Variants in SLCO3A1 observed in about 807,000 individuals in gnomAD.
The protein encoded by SLCO3A1 is PGE1 transporter.
A neutral mutation model predicts 63.1 loss-of-function variants in SLCO3A1; 27 were observed. The observed-to-expected ratio is 0.43, with a 90% CI of 0.32 to 0.59. The LOEUF is 0.59. SLCO3A1 is among the 20% of genes least tolerant of loss of function. The pLI, the probability that SLCO3A1 is intolerant of heterozygous loss-of-function variation, is 0.09. For missense variants in SLCO3A1, 773 were observed against 945.8 expected (o/e 0.82, Z 2.40); for synonymous variants, 473 against 409.9 (o/e 1.15, Z -1.86).
intron 3 of SLCO3A1, among the ~76,000 whole-genome samples, chr15:92,098,424 C>T (rs2047565926): frequency 6.6e-6 from 1 of 152,170 alleles, no homozygotes; most frequent in Admixed American, 6.5e-5. Flanking sequence ...ATAAATCCCT[C>T]CCCTGAGAGC....
At chr15:91,965,834 G>A (rs1900639205) in intron 2 of SLCO3A1, among the ~76,000 whole-genome samples, 1 of 152,012 alleles carries the variant, frequency 6.6e-6, no homozygotes, top group Non-Finnish European at 1.5e-5. Flanking sequence ...CTCCTGGAGG[G>A]ATCAGGAAGG....
intron 7 of SLCO3A1, among the ~76,000 whole-genome samples, chr15:92,136,050 A>T (rs139747426): frequency 6.6e-6 from 1 of 152,296 alleles, no homozygotes; most frequent in African/African-American, 2.4e-5. Flanking sequence ...TGAGCCCAGG[A>T]GTTTGAGACT....
At position 92,147,024 on chromosome 15, in the gene SLCO3A1, A is replaced by G. The variant is rs768125971; in HGVS notation, c.1553A>G (p.Glu518Gly). 3.1e-6 allele frequency: 5 copies of G among 1,614,126 alleles called. No individual in the cohort carries two copies. Among genetic ancestry groups the G allele is most frequent in the Middle Eastern group, 1.7e-4 (1 of 6,060 alleles). Residue 518 changes from glutamate to glycine, a missense_variant, in exon 8 of 10, where the codon GAG becomes GGG. Glu to Gly is a moderately conservative substitution (Grantham distance 98). Transcript: ENST00000318445. ...GCACLTTVPA[E>G]NATVVPGKCP... ...GCGTGCCTCACCACCGTCCCTGCTG[A>G]GAACGCAACCGTGGTTCCTGGAAAA...
rs1394493161 is a variant in SLCO3A1, at chr15:91,897,231, G to C, written c.181-18762G>C. Among the ~76,000 whole-genome samples, 1 of 152,176 alleles carries C rather than the reference G, an allele frequency of 6.6e-6. No homozygotes were observed. Among genetic ancestry groups the C allele is most frequent in the African/African-American group, 2.4e-5 (1 of 41,428 alleles). On this transcript the variant is annotated intron_variant, in intron 1 of 9. Transcript: ENST00000318445. The surrounding 1 kb of genome is among the most constrained non-coding windows in gnomAD (Gnocchi z 4.7). ...GTACTTTGAGAGGCTGAGGTGGGCA[G>C]ATCAGGAGTTCAAGACCAGCCTGGC...
chr15:91,906,648 GGAAATCATT>G (rs1034308829), intron 1 of SLCO3A1, among the ~76,000 whole-genome samples: 1 of 152,152 alleles, frequency 6.6e-6, no homozygotes, highest in Non-Finnish European at 1.5e-5. Flanking sequence ...TGAATGCTGA[GGAAATCATT>G]GAAATCATTA....
At position 91,865,987 on chromosome 15, in the gene SLCO3A1, C is replaced by T. The variant is rs554661094; in HGVS notation, c.180+11899C>T. Among the ~76,000 whole-genome samples the T allele has an allele frequency of 2.2e-4, 34 of 152,242 alleles. 1 individual carries two copies. Among genetic ancestry groups the T allele is most frequent in the Admixed American group, 3.9e-4 (6 of 15,298 alleles). Reference sequence around the variant, plus strand: ...GATTGTTGGATATTCGTAAGAGAGTCGTTCATACCCAAAGATATCATTTCA... The same window carrying T: ...GATTGTTGGATATTCGTAAGAGAGTTGTTCATACCCAAAGATATCATTTCA... On this transcript the variant is annotated intron_variant, in intron 1 of 9. Transcript: ENST00000318445. This position sits in a 1 kb window ranked among gnomAD's most constrained non-coding sequence, Gnocchi z 4.6.
chr15:92,135,092 G>A (rs960833445), intron 7 of SLCO3A1, among the ~76,000 whole-genome samples: 32 of 152,214 alleles, frequency 2.1e-4, no homozygotes, highest in African/African-American at 7.0e-4. Flanking sequence ...CATTCTAGCC[G>A]GAAGAGTGCA....
At chr15:92,118,823 C>T (rs925369334) in intron 4 of SLCO3A1, among the ~76,000 whole-genome samples, 1 of 142,316 alleles carries the variant, frequency 7.0e-6, no homozygotes, top group South Asian at 2.1e-4. Flanking sequence ...AACTGCATGT[C>T]AGATACTCCA....
intron 2 of SLCO3A1, among the ~76,000 whole-genome samples, chr15:91,925,312 C>A (rs950427311): frequency 6.6e-6 from 1 of 152,110 alleles, no homozygotes; most frequent in African/African-American, 2.4e-5. Flanking sequence ...TGGTTTCTGT[C>A]GAGCATTGTG....
At chr15:91,861,187 ACT>A (rs1897038996) in intron 1 of SLCO3A1, among the ~76,000 whole-genome samples, 1 of 152,142 alleles carries the variant, frequency 6.6e-6, no homozygotes, top group African/African-American at 2.4e-5. Context: ...AAGCCGGGTC[ACT>A]CTGATGACTT....
At chr15:92,161,795 C>T (rs1489871809) in intron 9 of SLCO3A1, 2 of 133,880 alleles carry the variant, frequency 1.5e-5, no homozygotes, top group Non-Finnish European at 3.3e-5. Flanking sequence ...TTGCAGTTTC[C>T]TCTGTAGAAC....
intron 2 of SLCO3A1, among the ~76,000 whole-genome samples, chr15:92,010,676 A>C (rs893129112): frequency 1.3e-5 from 2 of 152,086 alleles, no homozygotes; most frequent in African/African-American, 4.8e-5. Context: ...GTCAGTGGGG[A>C]TCAAATGTTC....
intron 2 of SLCO3A1, among the ~76,000 whole-genome samples, chr15:91,926,605 GCA>G (rs200609241): frequency 0.018 from 2,744 of 149,680 alleles, 79 homozygotes; most frequent in African/African-American, 0.025. Context: ...GTGCGCGCGC[GCA>G]CGCCCATGCT....
intron 2 of SLCO3A1, among the ~76,000 whole-genome samples, chr15:91,947,642 G>A (rs1899855243): frequency 6.6e-6 from 1 of 152,208 alleles, no homozygotes; most frequent in South Asian, 2.1e-4. Context: ...ACCCACTTGA[G>A]TGTTTATTAA....
intron 7 of SLCO3A1, among the ~76,000 whole-genome samples, chr15:92,134,932 G>A (rs577112385): frequency 5.9e-5 from 9 of 152,010 alleles, no homozygotes; most frequent in African/African-American, 1.9e-4. Context: ...GGGGGATGGG[G>A]TGAATGAGAC....
chr15:91,869,671 C>T (rs1475406750), intron 1 of SLCO3A1, among the ~76,000 whole-genome samples: 1 of 151,984 alleles, frequency 6.6e-6, no homozygotes, highest in Non-Finnish European at 1.5e-5. Context: ...TGCACTCCAG[C>T]CTGAGTGACA....
chr15:91,963,423 G>GC (rs1225594424), intron 2 of SLCO3A1, among the ~76,000 whole-genome samples: 132 of 127,232 alleles, frequency 1.0e-3, no homozygotes, highest in Non-Finnish European at 1.3e-3. Context: ...GGGGGGGGCG[G>GC]CAGCAGCCTG....
chr15:92,133,880 A>G (rs1199320254), intron 7 of SLCO3A1, among the ~76,000 whole-genome samples: 1 of 152,202 alleles, frequency 6.6e-6, no homozygotes, highest in Admixed American at 6.5e-5. Context: ...CAGTGGAATA[A>G]TTGTCTTCCA....
chr15:91,941,472 A>G lies in SLCO3A1; in HGVS notation c.646+25014A>G. Reference sequence around the variant, plus strand: ...GGTTCCTTTGGCCTTAGGGAAGGACAAACTTCAACTCTGAGCCTTGATTGA... The same window carrying G: ...GGTTCCTTTGGCCTTAGGGAAGGACGAACTTCAACTCTGAGCCTTGATTGA... On this transcript the variant is annotated intron_variant, in intron 2 of 9. Transcript: ENST00000318445. This position sits in a 1 kb window ranked among gnomAD's most constrained non-coding sequence, Gnocchi z 4.4. 2.2e-6 allele frequency: 1 copy of G among 451,572 alleles called. No homozygotes were observed. Among genetic ancestry groups the G allele is most frequent in the East Asian group, 7.0e-5 (1 of 14,342 alleles). 28.0% of individuals were successfully genotyped at this position (451,572 alleles called of 1,614,324 possible).
Sources: gnomAD v4.1 joint callset for allele counts (sites outside exome capture counted in the v4.1 genomes callset) on GRCh38, gnomAD v4.1.1 for gene constraint, Gnocchi (gnomAD v3.1) non-coding constraint, MANE v1.5 for transcripts, NCBI Gene and HGNC (gene_info 2026-07-23, HGNC 2026-07-21) for gene names.